Variants in RANBP2 observed in about 807,000 individuals in gnomAD.
The protein encoded by RANBP2 is RAN binding protein 2.
RANBP2 carries 57 observed loss-of-function variants against 303.6 expected under a neutral mutation model. The ratio of observed to expected loss-of-function variants is 0.19; its 90% confidence interval spans 0.15 to 0.23. The LOEUF is 0.23. Ranked by LOEUF, RANBP2 falls within the 10% of genes least tolerant of loss-of-function variation. RANBP2 has a pLI of 1.00. For synonymous variants in RANBP2, 1,167 were observed against 1,301.5 expected (o/e 0.90, Z 2.23); for missense variants, 3,138 against 3,780.8 (o/e 0.83, Z 4.46).
chr2:109,241,864 C>T, the RANBP2 span, among the ~76,000 whole-genome samples: 1 of 151,498 alleles, frequency 6.6e-6, no homozygotes, highest in East Asian at 1.9e-4. Flanking sequence ...CTCCCGGGTT[C>T]ACGCCATTCT....
the RANBP2 span, among the ~76,000 whole-genome samples, chr2:109,187,573 A>T: frequency 6.6e-6 from 1 of 152,208 alleles, no homozygotes; most frequent in Non-Finnish European, 1.5e-5. Flanking sequence ...AGTACAGTCC[A>T]TGCTGCACAG....
At chr2:109,142,047 G>GA in the RANBP2 span, among the ~76,000 whole-genome samples, 5 of 151,270 alleles carry the variant, frequency 3.3e-5, no homozygotes, top group South Asian at 4.2e-4. Context: ...GTCTCCTGGG[G>GA]GGGGGGTCTC....
At chr2:108,976,339 G>T in the RANBP2 span, among the ~76,000 whole-genome samples, 1 of 152,206 alleles carries the variant, frequency 6.6e-6, no homozygotes, top group Admixed American at 6.5e-5. Flanking sequence ...ATGGGTTTGA[G>T]AGGAAGACCA....
intron 19 of RANBP2, among the ~76,000 whole-genome samples, chr2:108,762,948 A>G (rs1676839109): frequency 6.6e-6 from 1 of 152,154 alleles, no homozygotes; most frequent in African/African-American, 2.4e-5. Context: ...GTATCTTTGT[A>G]GTAATGTGGT....
the RANBP2 span, among the ~76,000 whole-genome samples, chr2:109,542,704 A>G: frequency 3.6e-4 from 55 of 152,348 alleles, 1 homozygote; most frequent in Middle Eastern, 3.4e-3. Context: ...AGCTTGTTCT[A>G]TGACATGTAT....
chr2:108,729,541 T>C (rs1695000585), intron 2 of RANBP2, among the ~76,000 whole-genome samples: 1 of 152,138 alleles, frequency 6.6e-6, no homozygotes, highest in Admixed American at 6.5e-5. Flanking sequence ...AGATGGAAAA[T>C]AGCAATGAAT....
At chr2:109,198,813 G>A in the RANBP2 span, among the ~76,000 whole-genome samples, 1 of 152,304 alleles carries the variant, frequency 6.6e-6, no homozygotes, top group African/African-American at 2.4e-5. Context: ...CCTAGGCTAC[G>A]TGGCACAGCC....
chr2:109,446,036 C>T, the RANBP2 span, among the ~76,000 whole-genome samples: 1 of 152,174 alleles, frequency 6.6e-6, no homozygotes, highest in African/African-American at 2.4e-5. Context: ...CAGCCTTCAT[C>T]TGTCAGCTTG....
the RANBP2 span, among the ~76,000 whole-genome samples, chr2:109,115,878 C>T: frequency 8.5e-5 from 13 of 152,218 alleles, no homozygotes; most frequent in Admixed American, 7.8e-4. Flanking sequence ...TTTATTTATC[C>T]TTCATTTATG....
At chr2:109,567,320 A>G in the RANBP2 span, among the ~76,000 whole-genome samples, 1 of 152,224 alleles carries the variant, frequency 6.6e-6, no homozygotes, top group Non-Finnish European at 1.5e-5. Flanking sequence ...TGTTAGCTTC[A>G]AGAAAGTAAA....
chr2:108,871,201 G>A, the RANBP2 span, among the ~76,000 whole-genome samples: 85 of 151,770 alleles, frequency 5.6e-4, no homozygotes, highest in Middle Eastern at 0.017. Context: ...GTATTCAACA[G>A]GAAAAATAAA....
chr2:109,255,743 G>A, the RANBP2 span, among the ~76,000 whole-genome samples: 1 of 152,186 alleles, frequency 6.6e-6, no homozygotes, highest in Non-Finnish European at 1.5e-5. Context: ...TACTTCTAGG[G>A]CCAGAATCTC....
the RANBP2 span, among the ~76,000 whole-genome samples, chr2:109,365,796 T>C: frequency 6.6e-6 from 1 of 152,376 alleles, no homozygotes; most frequent in African/African-American, 2.4e-5. Context: ...GGCTGTCGAC[T>C]GTACTTGTGA....
At chr2:109,327,808 TATAC>T in the RANBP2 span, among the ~76,000 whole-genome samples, 2 of 152,256 alleles carry the variant, frequency 1.3e-5, no homozygotes, top group Non-Finnish European at 2.9e-5. Context: ...GACTTTTACA[TATAC>T]ATACCACTTC....
At chr2:108,848,831 T>C in the RANBP2 span, among the ~76,000 whole-genome samples, 2 of 152,178 alleles carry the variant, frequency 1.3e-5, no homozygotes, top group Admixed American at 6.5e-5. Flanking sequence ...TGAATCAAAA[T>C]TGGCACTTCA....
At chr2:109,599,154 G>GA in the RANBP2 span, among the ~76,000 whole-genome samples, 34 of 151,684 alleles carry the variant, frequency 2.2e-4, no homozygotes, top group African/African-American at 6.5e-4. Flanking sequence ...TTACAACCCA[G>GA]AAAAAAAAGA....
the RANBP2 span, chr2:108,894,873 T>C: frequency 1.3e-5 from 2 of 152,182 alleles, no homozygotes. Flanking sequence ...ATTCTAATAG[T>C]GTGAAATGAG....
the RANBP2 span, chr2:108,896,881 G>A: frequency 6.2e-7 from 1 of 1,600,572 alleles, no homozygotes; most frequent in Non-Finnish European, 8.5e-7. Flanking sequence ...GGCTTGTCCT[G>A]GGAGGACAGC....
At chr2:109,321,792 G>A in the RANBP2 span, among the ~76,000 whole-genome samples, 132 of 152,270 alleles carry the variant, frequency 8.7e-4, no homozygotes, top group African/African-American at 2.6e-3. Context: ...AGATGTGTTC[G>A]CGAGGGATTG....
Sources: allele counts gnomAD v4.1 joint callset (sites outside exome capture counted in the v4.1 genomes callset), GRCh38; gene constraint gnomAD v4.1.1; transcripts MANE v1.5; gene names NCBI Gene and HGNC (gene_info 2026-07-23, HGNC 2026-07-21).